The following SORL1 variants were observed in gnomAD, a reference collection of about 807,000 sequenced individuals.
The protein encoded by SORL1 is sortilin related receptor 1.
SORL1 carries 127 observed loss-of-function variants against 273.7 expected under a neutral mutation model. The observed-to-expected ratio is 0.46, with a 90% CI of 0.40 to 0.54. The LOEUF (loss-of-function observed/expected upper bound fraction) is 0.54. Ranked by LOEUF, SORL1 falls within the 20% of genes least tolerant of loss-of-function variation. The pLI is 0.00. For synonymous variants in SORL1, 1,031 were observed against 1,067.4 expected (o/e 0.97, Z 0.66); for missense variants, 2,494 against 2,846.1 (o/e 0.88, Z 2.81).
At chr11:121,542,625 A>G (rs905938085) in intron 12 of SORL1, among the ~76,000 whole-genome samples, 1 of 152,018 alleles carries the variant, frequency 6.6e-6, no homozygotes, top group African/African-American at 2.4e-5. Flanking sequence ...TTTAGTTAAG[A>G]TTGTGACTCT....
At chr11:121,500,446 A>T (rs1228757486) in intron 6 of SORL1, among the ~76,000 whole-genome samples, 1 of 152,226 alleles carries the variant, frequency 6.6e-6, no homozygotes, top group East Asian at 1.9e-4. Flanking sequence ...TCTAGAGTGG[A>T]TGCTAGGAAA....
intron 1 of SORL1, among the ~76,000 whole-genome samples, chr11:121,456,528 A>G (rs1455581296): frequency 6.6e-6 from 1 of 152,218 alleles, no homozygotes; most frequent in Non-Finnish European, 1.5e-5. Flanking sequence ...CTCATTCGGT[A>G]GTGAGGATGC....
In SORL1 at chr11:121,518,262, G is replaced by T. The variant is rs73593202; in HGVS notation, c.1212-2395G>T. Among the ~76,000 whole-genome samples the T allele has an allele frequency of 6.3e-3, 955 of 152,272 alleles. 8 individuals carry two copies. The highest frequency in any genetic ancestry group is 0.022 in the African/African-American group (901 of 41,560). On this transcript the variant is annotated intron_variant, in intron 8 of 47. Coordinates refer to ENST00000260197, the MANE Select transcript of SORL1 (RefSeq NM_003105.6). ...TTGGCCCAGGGCACTCTGGGAAGAA[G>T]GGGAGAAGTGCCCTGGGGAGGGCCA... is the stretch of plus-strand genomic sequence containing the variant.
At chr11:121,483,740 A>C (rs1420773948) in intron 3 of SORL1, among the ~76,000 whole-genome samples, 1 of 152,154 alleles carries the variant, frequency 6.6e-6, no homozygotes, top group Non-Finnish European at 1.5e-5. Flanking sequence ...AGCCAGGGTG[A>C]AATACTGTGT....
At chr11:121,569,930 A>G (rs776869136) in intron 22 of SORL1, among the ~76,000 whole-genome samples, 1 of 152,062 alleles carries the variant, frequency 6.6e-6, no homozygotes, top group African/African-American at 2.4e-5. Context: ...CAGCTTTAAA[A>G]TTTCTCTCTT....
intron 2 of SORL1, among the ~76,000 whole-genome samples, chr11:121,475,847 A>G (rs1749413731): frequency 6.6e-6 from 1 of 152,178 alleles, no homozygotes; most frequent in Non-Finnish European, 1.5e-5. Context: ...TCACTGATTC[A>G]TTCAATTCAT....
chr11:121,588,226 T>G, intron 28 of SORL1, 75 bp downstream of exon 28: 2 of 1,549,254 alleles, frequency 1.3e-6, no homozygotes, highest in Non-Finnish European at 1.8e-6. Context: ...ACCCTGGGGT[T>G]GTGTCTCTAT....
chr11:121,468,948 C>G (rs1396898154), intron 1 of SORL1, among the ~76,000 whole-genome samples: 1 of 152,204 alleles, frequency 6.6e-6, no homozygotes, highest in Admixed American at 6.5e-5. Flanking sequence ...GAAAAAATGA[C>G]AATGACTCTA....
At position 121,566,469 on chromosome 11, in the gene SORL1, A is replaced by G. The variant is rs563622114; in HGVS notation, c.3050-471A>G. ...ATCCTCCTGCCTCAGCCTCCTGAGT[A>G]GCTGGGGCTACAGGTGCGTGCTGCC... On this transcript the variant is annotated intron_variant, in intron 21 of 47. Coordinates refer to ENST00000260197, the MANE Select transcript of SORL1 (RefSeq NM_003105.6). Among the ~76,000 whole-genome samples the G allele has an allele frequency of 2.6e-5, 4 of 152,270 alleles. No homozygotes were observed. The South Asian group carries it at 6.2e-4, about 24-fold the overall frequency.
Position 121,629,616 on chromosome 11 carries a change from A to ATATTT in SORL1, c.*55_*56insTTTTA. The ATATTT allele has an allele frequency of 1.1e-6, 1 of 890,868 alleles. No homozygotes were observed. The highest frequency in any genetic ancestry group is 1.3e-5 in the South Asian group (1 of 74,514). 55.2% of individuals were successfully genotyped at this position (890,868 alleles called of 1,614,324 possible). A position where few individuals can be genotyped will look rare whatever the true frequency, so the allele number is the denominator to read the frequency against. On this transcript the variant is annotated 3_prime_UTR_variant, in exon 48 of 48. Coordinates refer to ENST00000260197, the MANE Select transcript of SORL1 (RefSeq NM_003105.6). ...GGTGTAAATATTTTATTTGATAAAG[A>ATATTT]TAGTTGATGGTTTATTTTAAAAGAT... is the stretch of plus-strand genomic sequence containing the variant.
At chr11:121,519,696 A>T (rs1862010304) in intron 8 of SORL1, among the ~76,000 whole-genome samples, 1 of 152,092 alleles carries the variant, frequency 6.6e-6, no homozygotes, top group Non-Finnish European at 1.5e-5. Flanking sequence ...GGGCTGTGTA[A>T]CCCTGAGCTA....
chr11:121,561,767 T>C (rs1862680052), intron 21 of SORL1, among the ~76,000 whole-genome samples: 1 of 151,542 alleles, frequency 6.6e-6, no homozygotes, highest in Non-Finnish European at 1.5e-5. Context: ...CATGGGCGGC[T>C]GTGACTGTCC....
chr11:121,476,910 G>T (rs897120225), intron 2 of SORL1, among the ~76,000 whole-genome samples: 2 of 151,616 alleles, frequency 1.3e-5, no homozygotes, highest in African/African-American at 4.9e-5. Flanking sequence ...TCACACCTCA[G>T]CTTCCCAACT....
chr11:121,471,777 G>T (rs1163164040), intron 2 of SORL1, among the ~76,000 whole-genome samples: 1 of 152,220 alleles, frequency 6.6e-6, no homozygotes, highest in East Asian at 1.9e-4. Flanking sequence ...CAGAAGGGAA[G>T]ACAGAAGGGC....
chr11:121,547,311 A>T (rs1316499795), intron 14 of SORL1, among the ~76,000 whole-genome samples: 4 of 141,536 alleles, frequency 2.8e-5, no homozygotes, highest in Non-Finnish European at 4.6e-5. Context: ...AATAGGTAAG[A>T]AAGTCTAACA....
intron 1 of SORL1, among the ~76,000 whole-genome samples, chr11:121,453,687 T>C (rs767734839): frequency 6.6e-6 from 1 of 152,252 alleles, no homozygotes; most frequent in Non-Finnish European, 1.5e-5. Context: ...CAGAGTTAAA[T>C]GTTCAACCCT....
At chr11:121,587,914 G>C (rs1004587088) in intron 27 of SORL1, 106 bp from the exon 28 acceptor site, 1 of 1,379,090 alleles carries the variant, frequency 7.3e-7, no homozygotes, top group Non-Finnish European at 1.0e-6. Flanking sequence ...GGCTTTTACT[G>C]TTGCTTCCTG....
chr11:121,619,829 C>T lies in SORL1; in HGVS notation c.5801C>T (p.Pro1934Leu), dbSNP rs1457987293. ...AAGATGATCCCGGACAGCAGGCTTC[C>T]ACCCCGTCACCTGCATGTGGTTCAT... The part of the protein sequence containing the change: ...VVKMIPDSRL[P>L]PRHLHVVHTG... The change falls in exon 43 of 48, where the codon CCA becomes CTA. Residue 1934 changes from proline (P) to leucine (L), a missense_variant. Around this residue, in one of 3 missense-constraint regions of SORL1, gnomAD observed 1,609 missense variants for 1,816.4 expected, o/e 0.89. Transcript: ENST00000260197. 1 of 1,613,928 alleles carries T rather than the reference C, an allele frequency of 6.2e-7. No individual in the cohort carries two copies. Among genetic ancestry groups the T allele is most frequent in the African/African-American group, 1.3e-5 (1 of 75,042 alleles).
At chr11:121,582,818 T>C (rs576451840) in intron 25 of SORL1, among the ~76,000 whole-genome samples, 1 of 152,330 alleles carries the variant, frequency 6.6e-6, no homozygotes, top group South Asian at 2.1e-4. Context: ...TCTTTTATAT[T>C]CCTCTGGCCT....
Sources: gnomAD v4.1 joint callset for allele counts (sites outside exome capture counted in the v4.1 genomes callset) on GRCh38, gnomAD v4.1.1 for gene constraint, gnomAD v4.1.1 regional missense constraint, MANE v1.5 for transcripts, NCBI Gene and HGNC (gene_info 2026-07-23, HGNC 2026-07-21) for gene names.